The following HPSE2 variants were observed in gnomAD, a reference collection of about 807,000 sequenced individuals.
HPSE2 encodes the protein heparanase 2 (inactive), also known as inactive heparanase-2.
Under a neutral mutation model 60.5 loss-of-function variants are expected in HPSE2, and 38 were observed. The ratio of observed to expected loss-of-function variants is 0.63; its 90% CI spans 0.48 to 0.82. HPSE2 has a LOEUF of 0.82. Ranked by LOEUF, HPSE2 falls within the 40% of genes least tolerant of loss-of-function variation. The pLI is 0.00. For missense variants in HPSE2, 713 were observed against 740.4 expected, an observed-to-expected ratio of 0.96 and a Z score of 0.43; for synonymous variants, 295 against 293.2, an observed-to-expected ratio of 1.01 and a Z score of -0.06.
At chr10:98,634,324 T>C (rs917684766) in intron 7 of HPSE2, among the ~76,000 whole-genome samples, 1 of 152,212 alleles carries the variant, frequency 6.6e-6, no homozygotes, top group African/African-American at 2.4e-5. Flanking sequence ...AAGCAGTCAA[T>C]ATTGCCAAAT....
intron 4 of HPSE2, among the ~76,000 whole-genome samples, chr10:98,729,702 A>C (rs1326829934): frequency 1.3e-5 from 2 of 152,152 alleles, no homozygotes; most frequent in Non-Finnish European, 2.9e-5. Flanking sequence ...ATATCAGAAA[A>C]AATAGATTTT....
At chr10:98,885,490 T>G (rs1222397047) in intron 3 of HPSE2, among the ~76,000 whole-genome samples, 1 of 152,150 alleles carries the variant, frequency 6.6e-6, no homozygotes, top group African/African-American at 2.4e-5. Flanking sequence ...AAAACTTTCA[T>G]GAAAAGAAGA....
chr10:99,152,153 T>C (rs923756708), intron 2 of HPSE2, among the ~76,000 whole-genome samples: 17 of 151,236 alleles, frequency 1.1e-4, no homozygotes, highest in Non-Finnish European at 2.4e-4. Context: ...CTACTAAAAA[T>C]ACAAAAAATT....
At chr10:98,540,218 C>G (rs1943415673) in intron 9 of HPSE2, among the ~76,000 whole-genome samples, 1 of 152,184 alleles carries the variant, frequency 6.6e-6, no homozygotes, top group African/African-American at 2.4e-5. Flanking sequence ...CCTGAAGAAA[C>G]CACCAATGGC....
chr10:98,592,875 T>C lies in HPSE2; in HGVS notation c.1320+22029A>G, dbSNP rs112966859. The stretch of plus-strand genomic sequence containing the variant: ...AATATCTGAGATGCCATTCTGTCCA[T>C]TTTATAGTTGATATATAACTGCCTG... On this transcript the variant is annotated intron_variant, in intron 9 of 11. Coordinates refer to ENST00000370552, the MANE Select transcript of HPSE2 (RefSeq NM_021828.5). Among the ~76,000 whole-genome samples the C allele has an allele frequency of 4.3e-3, 655 of 152,288 alleles. 3 individuals carry two copies. The highest frequency in any genetic ancestry group is 0.015 in the African/African-American group (631 of 41,570).
chr10:98,463,967 A>G (rs1252738141), intron 11 of HPSE2, among the ~76,000 whole-genome samples: 1 of 151,978 alleles, frequency 6.6e-6, no homozygotes, highest in African/African-American at 2.4e-5. Context: ...AAATACAAAA[A>G]TTAGCCAGGT....
intron 3 of HPSE2, among the ~76,000 whole-genome samples, chr10:99,118,348 C>A (rs1034625026): frequency 6.6e-6 from 1 of 151,570 alleles, no homozygotes; most frequent in Non-Finnish European, 1.5e-5. Flanking sequence ...ATGGTGAAAC[C>A]CTGTCTCTAC....
At chr10:98,590,331 A>G (rs991565473) in intron 9 of HPSE2, among the ~76,000 whole-genome samples, 2 of 152,148 alleles carry the variant, frequency 1.3e-5, no homozygotes, top group Non-Finnish European at 2.9e-5. Flanking sequence ...AGTCCCAGCT[A>G]CTCAGGAGGC....
rs1371089242 is a variant in HPSE2, at chr10:98,692,106, C to T, written c.1004+1794G>A. 2.0e-5 allele frequency among the ~76,000 whole-genome samples: 3 copies of T among 151,984 alleles called. No homozygotes were observed. The East Asian group carries it at 5.8e-4, about 29-fold the overall frequency. On this transcript the variant is annotated intron_variant, in intron 6 of 11. Transcript: ENST00000370552. The stretch of plus-strand genomic sequence containing the variant: ...CTAAGAAAAAGAATGAAATGGGGGA[C>T]CTGTTTTTGGATAGAATCATCAGGG...
the HPSE2 span, among the ~76,000 whole-genome samples, chr10:99,291,356 C>T: frequency 1.7e-4 from 26 of 152,208 alleles, no homozygotes; most frequent in East Asian, 3.9e-4. Context: ...GAGGCCAAGG[C>T]GGGCAGATCA....
rs762839270 is a variant in HPSE2, at chr10:98,743,922, C to T, written c.745G>A (p.Ala249Thr). 18 of 1,613,926 alleles carry T rather than the reference C, an allele frequency of 1.1e-5. No homozygotes were observed. The highest frequency in any genetic ancestry group is 2.2e-5 in the East Asian group (1 of 44,884). ...CAAGAAATGTTGTACTTTTTGCTGG[C>T]GCTGTACTTCAACAGACTCAGGGCA... The part of the protein sequence containing the change: ...SSALSLLKYS[A>T]SKKYNISWEL... Residue 249 changes from alanine (A) to threonine (T), a missense_variant, in exon 4 of 12, where the codon GCC (alanine) becomes ACC (threonine). Physicochemically the swap from Ala to Thr is moderately conservative, Grantham distance 58. Transcript: ENST00000370552.
In HPSE2 at chr10:98,976,766, A is replaced by G. The variant is rs942664637; in HGVS notation, c.610+167472T>C. ...AAAAAAAAAGTCATTCAAAATATCCATATCAAATCCTTGGAAACTGTGACT... is the reference window on the plus strand; with the variant it reads ...AAAAAAAAAGTCATTCAAAATATCCGTATCAAATCCTTGGAAACTGTGACT... On this transcript the variant is annotated intron_variant, in intron 3 of 11. Transcript: ENST00000370552. Among the ~76,000 whole-genome samples, 5 of 152,040 alleles carry G rather than the reference A, an allele frequency of 3.3e-5. No individual in the cohort carries two copies. In the East Asian group the frequency reaches 5.8e-4, roughly 18 times the overall value.
intron 3 of HPSE2, among the ~76,000 whole-genome samples, chr10:98,765,412 G>A (rs1589789237): frequency 6.6e-6 from 1 of 151,962 alleles, no homozygotes; most frequent in East Asian, 1.9e-4. Context: ...GTTACTTTTA[G>A]GTAAAAGACA....
chr10:99,105,566 G>A (rs1347162374), intron 3 of HPSE2, among the ~76,000 whole-genome samples: 1 of 150,280 alleles, frequency 6.7e-6, no homozygotes, highest in Non-Finnish European at 1.5e-5. Flanking sequence ...TTTTTGTCCA[G>A]CTTGTGACTT....
intron 3 of HPSE2, chr10:99,013,100 T>G: frequency 1.6e-6 from 1 of 644,042 alleles, no homozygotes. Flanking sequence ...TCAGTAGAGA[T>G]AATCTAATCT....
At chr10:98,584,129 T>TAGG (rs1944876475) in intron 9 of HPSE2, among the ~76,000 whole-genome samples, 1 of 152,212 alleles carries the variant, frequency 6.6e-6, no homozygotes, top group South Asian at 2.1e-4. Context: ...ACCAGCGATG[T>TAGG]AGGAGGGTTC....
chr10:98,899,302 A>T (rs1953591266), intron 3 of HPSE2, among the ~76,000 whole-genome samples: 1 of 152,220 alleles, frequency 6.6e-6, no homozygotes, highest in South Asian at 2.1e-4. Context: ...CTATTTTAAA[A>T]ATCGATAAAT....
chr10:99,123,171 G>A (rs1845026725), intron 3 of HPSE2, among the ~76,000 whole-genome samples: 1 of 152,064 alleles, frequency 6.6e-6, no homozygotes, highest in Non-Finnish European at 1.5e-5. Flanking sequence ...TCAAAAAATA[G>A]ATTATATCCA....
Position 98,937,353 on chromosome 10 carries a change from G to A in HPSE2, c.611-193297C>T, listed in dbSNP as rs773704565. Among the ~76,000 whole-genome samples the A allele has an allele frequency of 6.9e-5, 10 of 144,628 alleles. No homozygotes were observed. The East Asian group carries it at 7.9e-4, about 11-fold the overall frequency. 94.9% of individuals were successfully genotyped at this position (144,628 alleles called of 152,430 possible). ...CTAGTCAAAGAAAGGGGTGACAGAC[G>A]GCACCTGGAAATTCGGGTCACTCCC... On this transcript the variant is annotated intron_variant, in intron 3 of 11. Transcript: ENST00000370552.
Sources: gnomAD v4.1 joint callset for allele counts (sites outside exome capture counted in the v4.1 genomes callset) on GRCh38, gnomAD v4.1.1 for gene constraint, MANE v1.5 for transcripts, NCBI Gene and HGNC (gene_info 2026-07-23, HGNC 2026-07-21) for gene names.